The following CTBP2 variants were observed in gnomAD, a reference collection of about 807,000 sequenced individuals.
CTBP2 encodes the protein C-terminal-binding protein 2.
In CTBP2, 30 loss-of-function variants were observed where a neutral mutation model predicts 80.3. That is an observed-to-expected ratio of 0.37 (90% confidence interval 0.28 to 0.51). The LOEUF (loss-of-function observed/expected upper bound fraction) is 0.51. Among genes scored for constraint, CTBP2 ranks in the 20% least tolerant of loss-of-function variants. CTBP2 has a pLI of 0.93. For synonymous variants in CTBP2, 594 were observed against 587.4 expected (o/e 1.01, Z -0.16); for missense variants, 1,212 against 1,375.3 (o/e 0.88, Z 1.88).
chr10:125,076,444 C>T (rs1846284644), intron 2 of CTBP2, among the ~76,000 whole-genome samples: 1 of 152,190 alleles, frequency 6.6e-6, no homozygotes, highest in African/African-American at 2.4e-5. Flanking sequence ...AGAAGATCTC[C>T]TCTAGGTTCA....
At chr10:125,085,386 A>G (rs1279735468) in intron 2 of CTBP2, among the ~76,000 whole-genome samples, 2 of 152,198 alleles carry the variant, frequency 1.3e-5, no homozygotes, top group Non-Finnish European at 2.9e-5. Flanking sequence ...CTTCCTGTAC[A>G]CACGCCTGAC....
chr10:125,098,655 GGGGAGAGAGAGA>G (rs1488589552), intron 2 of CTBP2, among the ~76,000 whole-genome samples: 265 of 24,740 alleles, frequency 0.011, 3 homozygotes, highest in East Asian at 0.033. Context: ...AATGGGGGAG[GGGGAGAGAGAGA>G]GAGAGAGAGA....
intron 1 of CTBP2, among the ~76,000 whole-genome samples, chr10:125,127,188 T>C (rs1855426362): frequency 6.6e-6 from 1 of 152,184 alleles, no homozygotes; most frequent in Non-Finnish European, 1.5e-5. Context: ...GCCTTCTAGA[T>C]ACTTCTGTCC....
intron 2 of CTBP2, among the ~76,000 whole-genome samples, chr10:125,089,976 T>C (rs2135673398): frequency 6.6e-6 from 1 of 152,198 alleles, no homozygotes; most frequent in South Asian, 2.1e-4. Context: ...GCTCCACTGG[T>C]GGGAACCTGG....
At chr10:125,011,762 A>C (rs553455337) in intron 1 of CTBP2, among the ~76,000 whole-genome samples, 1 of 152,342 alleles carries the variant, frequency 6.6e-6, no homozygotes, top group African/African-American at 2.4e-5. Flanking sequence ...GAACACAGGA[A>C]AGTGACAGCT....
intron 2 of CTBP2, 62 bp downstream of exon 2, chr10:125,110,928 A>G (rs544828703): frequency 6.6e-6 from 1 of 152,518 alleles, no homozygotes; most frequent in East Asian, 1.9e-4. Flanking sequence ...AATTGAACAC[A>G]CATTGCAAAG....
At chr10:125,052,460 T>C (rs566661940) in intron 2 of CTBP2, among the ~76,000 whole-genome samples, 1 of 152,322 alleles carries the variant, frequency 6.6e-6, no homozygotes, top group Non-Finnish European at 1.5e-5. Flanking sequence ...TCTAACCTTA[T>C]TTCCCTTAAG....
chr10:125,098,826 T>C lies in CTBP2; in HGVS notation c.-102+12164A>G, dbSNP rs574249945. Among the ~76,000 whole-genome samples the C allele has an allele frequency of 1.3e-3, 201 of 149,968 alleles. 1 individual carries two copies. The highest frequency in any genetic ancestry group is 2.2e-3 in the Non-Finnish European group (151 of 67,430). Reference sequence around the variant, plus strand: ...ACCCAGGCCTCGGAGCTGCCCACCCTGTGCTACTTTAGCCTGGAGTCCTGG... The same window carrying C: ...ACCCAGGCCTCGGAGCTGCCCACCCCGTGCTACTTTAGCCTGGAGTCCTGG... On this transcript the variant is annotated intron_variant, in intron 2 of 10. Transcript: ENST00000337195.
At chr10:125,065,923 G>A (rs867573883) in intron 2 of CTBP2, among the ~76,000 whole-genome samples, 18 of 151,978 alleles carry the variant, frequency 1.2e-4, no homozygotes, top group African/African-American at 3.9e-4. Flanking sequence ...GCAACATGGC[G>A]AAACCCTGTC....
chr10:125,098,587 T>C (rs1456189516), intron 2 of CTBP2, among the ~76,000 whole-genome samples: 1 of 150,356 alleles, frequency 6.7e-6, no homozygotes, highest in Non-Finnish European at 1.5e-5. Context: ...ACCTGTGCCC[T>C]GCACCTTCAC....
At chr10:125,119,231 A>G (rs980785101) in intron 1 of CTBP2, among the ~76,000 whole-genome samples, 1 of 152,242 alleles carries the variant, frequency 6.6e-6, no homozygotes, top group African/African-American at 2.4e-5. Context: ...GAACCTCTAA[A>G]GCTGGCAGGT....
intron 1 of CTBP2, among the ~76,000 whole-genome samples, chr10:125,132,288 T>G (rs912781070): frequency 2.0e-5 from 3 of 151,130 alleles, no homozygotes; most frequent in African/African-American, 7.3e-5. Context: ...TATAAACCAC[T>G]AAGGGAGAAA....
rs748825639 is a variant in CTBP2, at chr10:125,027,033, C to T, written c.727G>A (p.Glu243Lys). The T allele has an allele frequency of 1.5e-5, 25 of 1,613,420 alleles. No individual in the cohort carries two copies. Among genetic ancestry groups the T allele is most frequent in the East Asian group, 4.5e-5 (2 of 44,896 alleles). The change falls in exon 1 of 9, where the codon GAA becomes AAA. Residue 243 changes from glutamate (E) to lysine (K), a missense_variant. Transcript: ENST00000309035. Reference sequence around the variant, plus strand: ...CCTGGGGCCACCCCTGTGCTGCCTTCGGGGGCAGCAGCTGAACTGGGGTCC... The same window carrying T: ...CCTGGGGCCACCCCTGTGCTGCCTTTGGGGGCAGCAGCTGAACTGGGGTCC...
At position 124,985,353 on chromosome 10, in the gene CTBP2, T is replaced by G; in HGVS notation, c.*4165A>C. On this transcript the variant is annotated 3_prime_UTR_variant, in exon 9 of 9. Coordinates refer to ENST00000309035, the MANE Select transcript of CTBP2 (RefSeq NM_022802.3). ...ATTATTGAGAAAATTTTTTCCAGCA[T>G]GGGCACTTAGAAAAAGCACATGGCA... 5.7e-6 allele frequency: 1 copy of G among 174,452 alleles called. No homozygotes were observed. The highest frequency in any genetic ancestry group is 1.5e-4 in the East Asian group (1 of 6,606). 10.8% of individuals were successfully genotyped at this position (174,452 alleles called of 1,614,324 possible). A position where few individuals can be genotyped will look rare whatever the true frequency, so the allele number is the denominator to read the frequency against.
At chr10:125,055,700 C>T (rs946444147) in intron 2 of CTBP2, among the ~76,000 whole-genome samples, 1 of 152,122 alleles carries the variant, frequency 6.6e-6, no homozygotes, top group Admixed American at 6.5e-5. Context: ...CACAGAACAT[C>T]TGCAGAAGCA....
intron 1 of CTBP2, among the ~76,000 whole-genome samples, chr10:125,140,521 TGAAA>T (rs1382240605): frequency 6.6e-6 from 1 of 152,136 alleles, no homozygotes; most frequent in Admixed American, 6.5e-5. Context: ...TTCTCCCAAC[TGAAA>T]GAAAATAATA....
chr10:125,005,799 C>G, intron 1 of CTBP2: 5 of 1,611,710 alleles, frequency 3.1e-6, no homozygotes, highest in Non-Finnish European at 4.2e-6. Context: ...CCTGGAAGTC[C>G]TGGTCTCATG....
chr10:125,074,882 T>C (rs1846051261), intron 2 of CTBP2, among the ~76,000 whole-genome samples: 1 of 152,198 alleles, frequency 6.6e-6, no homozygotes, highest in Non-Finnish European at 1.5e-5. Flanking sequence ...GGCAGCTCAA[T>C]GGCACAGTGA....
At chr10:125,003,224 C>G in intron 2 of CTBP2, 114 bp downstream of exon 4, 2 of 1,582,104 alleles carry the variant, frequency 1.3e-6, no homozygotes, top group Non-Finnish European at 1.7e-6. Context: ...AGCAGGAAAG[C>G]AGGGAACAGG....
Sources: allele counts gnomAD v4.1 joint callset (sites outside exome capture counted in the v4.1 genomes callset), GRCh38; gene constraint gnomAD v4.1.1; transcripts MANE v1.5; gene names NCBI Gene and HGNC (gene_info 2026-07-23, HGNC 2026-07-21).